HPSE2: variants seen among roughly 807,000 people sequenced by gnomAD.
HPSE2 encodes the protein inactive heparanase-2.
HPSE2 carries 38 observed loss-of-function variants against 60.5 expected under a neutral mutation model. That is an observed-to-expected ratio of 0.63 (90% CI 0.48 to 0.82). The LOEUF (loss-of-function observed/expected upper bound fraction) is 0.82, where lower values mean the gene tolerates loss of function less well. HPSE2 is among the 40% of genes least tolerant of loss of function. The pLI, the probability that HPSE2 is intolerant of heterozygous loss-of-function variation, is 0.00. For synonymous variants in HPSE2, 295 were observed against 293.2 expected (o/e 1.01, Z -0.06); for missense variants, 713 against 740.4 (o/e 0.96, Z 0.43).
intron 3 of HPSE2, among the ~76,000 whole-genome samples, chr10:98,813,320 G>T (rs1007141870): frequency 4.6e-5 from 7 of 152,236 alleles, no homozygotes; most frequent in African/African-American, 1.7e-4. Flanking sequence ...AGAAATTCTA[G>T]TATTCTGTGT....
chr10:98,473,532 GAGAA>G (rs148499328), intron 11 of HPSE2, among the ~76,000 whole-genome samples: 7 of 139,608 alleles, frequency 5.0e-5, no homozygotes, highest in Admixed American at 1.5e-4. Context: ...AAGAGAGAGA[GAGAA>G]AGAAAGAAAG....
chr10:98,809,047 C>T (rs1951106224), intron 3 of HPSE2, among the ~76,000 whole-genome samples: 1 of 152,134 alleles, frequency 6.6e-6, no homozygotes. Context: ...CAGATATCTA[C>T]CTTCCCAGGT....
chr10:98,846,706 C>T (rs1589937099), intron 3 of HPSE2, among the ~76,000 whole-genome samples: 1 of 152,332 alleles, frequency 6.6e-6, no homozygotes, highest in East Asian at 1.9e-4. Flanking sequence ...ATGAGCTTTA[C>T]TAAGACAGCT....
intron 2 of HPSE2, among the ~76,000 whole-genome samples, chr10:99,204,842 T>G (rs1337993800): frequency 6.6e-6 from 1 of 152,238 alleles, no homozygotes; most frequent in Admixed American, 6.5e-5. Context: ...TATATGTAGA[T>G]AGTAGTCTAT....
At chr10:98,911,614 G>A (rs1036841511) in intron 3 of HPSE2, among the ~76,000 whole-genome samples, 2 of 152,152 alleles carry the variant, frequency 1.3e-5, no homozygotes, top group African/African-American at 4.8e-5. Flanking sequence ...AAATGGGCAG[G>A]AGAGTAATCA....
chr10:98,711,725 T>A (rs1423660833), intron 5 of HPSE2, among the ~76,000 whole-genome samples: 1 of 152,186 alleles, frequency 6.6e-6, no homozygotes, highest in African/African-American at 2.4e-5. Flanking sequence ...TTTTGAGCTT[T>A]GTAAATCATT....
chr10:98,647,896 A>G (rs1045115411), intron 6 of HPSE2, among the ~76,000 whole-genome samples: 1 of 152,210 alleles, frequency 6.6e-6, no homozygotes, highest in African/African-American at 2.4e-5. Flanking sequence ...GCTTTCTTAA[A>G]CCAGTTCAAA....
chr10:99,095,056 T>C (rs772396336), intron 3 of HPSE2, among the ~76,000 whole-genome samples: 1 of 151,918 alleles, frequency 6.6e-6, no homozygotes, highest in South Asian at 2.1e-4. Flanking sequence ...AGTGTGGTGG[T>C]GTGTGCCTGT....
the HPSE2 span, among the ~76,000 whole-genome samples, chr10:99,286,922 A>G: frequency 2.0e-5 from 3 of 152,142 alleles, no homozygotes; most frequent in South Asian, 4.1e-4. Context: ...GAATAAGAAG[A>G]ATGATGCTTA....
rs565719104 is a variant in HPSE2 at position 99,163,867 on chromosome 10, A to G, written c.449-19468T>C. Among the ~76,000 whole-genome samples, 3 of 152,154 alleles carry G rather than the reference A, an allele frequency of 2.0e-5. No homozygotes were observed. The South Asian group carries it at 6.2e-4, about 32-fold the overall frequency. On this transcript the variant is annotated intron_variant, in intron 2 of 11. Transcript: ENST00000370552. ...TGACAGAAGTTTCTTTATAATTGAA[A>G]TAAGTTACAGATTTTGTGGAACGAT...
chr10:99,013,266 T>C, intron 3 of HPSE2: 3 of 632,304 alleles, frequency 4.7e-6, no homozygotes, highest in South Asian at 3.0e-5. Context: ...ATCTTGTTTA[T>C]TAGCAAAAAT....
At chr10:98,951,735 G>C (rs1456589369) in intron 3 of HPSE2, among the ~76,000 whole-genome samples, 5 of 152,110 alleles carry the variant, frequency 3.3e-5, no homozygotes, top group African/African-American at 1.2e-4. Flanking sequence ...CTCCCCAAAG[G>C]CAGAAACAGA....
chr10:99,210,162 G>A (rs537198187), intron 2 of HPSE2, among the ~76,000 whole-genome samples: 6 of 152,170 alleles, frequency 3.9e-5, no homozygotes, highest in African/African-American at 1.4e-4. Flanking sequence ...CAAGAAAATC[G>A]AATAACCTGG....
chr10:99,037,147 T>C (rs372334132), intron 3 of HPSE2, among the ~76,000 whole-genome samples: 68 of 152,262 alleles, frequency 4.5e-4, no homozygotes, highest in African/African-American at 1.5e-3. Flanking sequence ...CCTTGGCTAG[T>C]ATTCTTTGAA....
At chr10:98,540,181 T>C (rs928993833) in intron 9 of HPSE2, among the ~76,000 whole-genome samples, 3 of 152,266 alleles carry the variant, frequency 2.0e-5, no homozygotes, top group African/African-American at 7.2e-5. Context: ...TCAATAATTT[T>C]TGTTGAATAA....
At chr10:99,069,389 A>T (rs1313258958) in intron 3 of HPSE2, among the ~76,000 whole-genome samples, 1 of 152,078 alleles carries the variant, frequency 6.6e-6, no homozygotes, top group Non-Finnish European at 1.5e-5. Context: ...GCAATGCTGG[A>T]ATCAAATCAT....
chr10:98,601,480 T>C (rs1945424408), intron 9 of HPSE2, among the ~76,000 whole-genome samples: 1 of 152,176 alleles, frequency 6.6e-6, no homozygotes, highest in Non-Finnish European at 1.5e-5. Context: ...GGCTGAGGGA[T>C]GGATTGTTGG....
At position 98,828,861 on chromosome 10, in the gene HPSE2, C is replaced by G. The variant is rs546161063; in HGVS notation, c.611-84805G>C. ...AGCAATTCCATTTCTGACTATATAACCAAAAGAACTGAAAGCAGGAACATG... is the reference window on the plus strand; with the variant it reads ...AGCAATTCCATTTCTGACTATATAAGCAAAAGAACTGAAAGCAGGAACATG... On this transcript the variant is annotated intron_variant, in intron 3 of 11. Coordinates refer to ENST00000370552, the MANE Select transcript of HPSE2 (RefSeq NM_021828.5). Among the ~76,000 whole-genome samples the G allele has an allele frequency of 1.5e-3, 221 of 152,028 alleles. 2 individuals carry two copies. Among genetic ancestry groups the G allele is most frequent in the African/African-American group, 5.1e-3 (210 of 41,440 alleles).
At chr10:98,942,250 A>G (rs1350826248) in intron 3 of HPSE2, among the ~76,000 whole-genome samples, 1 of 142,626 alleles carries the variant, frequency 7.0e-6, no homozygotes, top group Non-Finnish European at 1.5e-5. Context: ...TAAACTCAAG[A>G]GCTTCTGCAC....
Sources: gnomAD v4.1 joint callset for allele counts (sites outside exome capture counted in the v4.1 genomes callset) on GRCh38, gnomAD v4.1.1 for gene constraint, MANE v1.5 for transcripts, NCBI Gene and HGNC (gene_info 2026-07-23, HGNC 2026-07-21) for gene names.